The following XIRP2 variants were observed in gnomAD, a reference collection of about 807,000 sequenced individuals.
XIRP2 encodes xin actin-binding repeat-containing protein 2.
XIRP2 carries 236 observed loss-of-function variants against 277.0 expected under a neutral mutation model. The ratio of observed to expected loss-of-function variants is 0.85; its 90% confidence interval spans 0.77 to 0.95. The LOEUF is 0.95. Ranked by LOEUF, XIRP2 falls within the 40% of genes least tolerant of loss-of-function variation. XIRP2 has a pLI of 0.00. For synonymous variants in XIRP2, 1,490 were observed against 1,416.5 expected (o/e 1.05, Z -1.17); for missense variants, 4,640 against 4,157.5 (o/e 1.12, Z -3.19).
At chr2:166,910,664 G>A (rs553747614) in intron 2 of XIRP2, among the ~76,000 whole-genome samples, 1 of 152,188 alleles carries the variant, frequency 6.6e-6, no homozygotes, top group South Asian at 2.1e-4. Flanking sequence ...GCTTTTGAAT[G>A]TGTTTGCCCT....
chr2:167,122,785 A>G (rs7574738), intron 2 of XIRP2, among the ~76,000 whole-genome samples: 6,810 of 152,310 alleles, frequency 0.045, 223 homozygotes, highest in African/African-American at 0.089. Flanking sequence ...CAATAGGTAC[A>G]TCACATTGAA....
chr2:166,958,606 T>G (rs1272688148), intron 2 of XIRP2, among the ~76,000 whole-genome samples: 2 of 151,808 alleles, frequency 1.3e-5, no homozygotes, highest in Non-Finnish European at 2.9e-5. Context: ...TAAAATAAAA[T>G]GCCTGCCTCT....
intron 2 of XIRP2, among the ~76,000 whole-genome samples, chr2:166,963,558 A>T (rs1437387617): frequency 6.6e-6 from 1 of 151,876 alleles, no homozygotes; most frequent in Non-Finnish European, 1.5e-5. Context: ...TATCTAAGAA[A>T]AGATATTTGA....
At chr2:167,033,493 G>A (rs778901978) in intron 2 of XIRP2, among the ~76,000 whole-genome samples, 9 of 152,036 alleles carry the variant, frequency 5.9e-5, no homozygotes, top group Non-Finnish European at 1.3e-4. Context: ...CAAATCTGGA[G>A]AAATATATCA....
At chr2:167,175,556 G>C (rs374179194) in intron 3 of XIRP2, among the ~76,000 whole-genome samples, 15 of 152,124 alleles carry the variant, frequency 9.9e-5, no homozygotes, top group East Asian at 7.7e-4. Flanking sequence ...GAGCTATCCT[G>C]TATGAGGTGT....
chr2:167,086,455 C>T (rs546397947), intron 2 of XIRP2, among the ~76,000 whole-genome samples: 9 of 151,770 alleles, frequency 5.9e-5, no homozygotes, highest in Admixed American at 1.3e-4. Flanking sequence ...ATCTTTGTGG[C>T]GTTCTCTGTA....
intron 2 of XIRP2, among the ~76,000 whole-genome samples, chr2:167,133,843 G>T (rs552579272): frequency 6.6e-6 from 1 of 152,096 alleles, no homozygotes; most frequent in Non-Finnish European, 1.5e-5. Context: ...TGTTATACTC[G>T]TGCCACATGT....
intron 2 of XIRP2, among the ~76,000 whole-genome samples, chr2:167,035,013 C>T (rs1377258054): frequency 6.6e-6 from 1 of 152,172 alleles, no homozygotes; most frequent in African/African-American, 2.4e-5. Flanking sequence ...TTGCTTCTTC[C>T]TCATTCTCTC....
intron 5 of XIRP2, among the ~76,000 whole-genome samples, chr2:167,238,203 C>A (rs1318050348): frequency 6.6e-6 from 1 of 152,156 alleles, no homozygotes; most frequent in Non-Finnish European, 1.5e-5. Flanking sequence ...GTGAACTTTT[C>A]CTTAGCACAA....
intron 3 of XIRP2, among the ~76,000 whole-genome samples, chr2:167,165,221 G>A (rs7556854): frequency 0.23 from 35,186 of 152,046 alleles, 5,672 homozygotes; most frequent in African/African-American, 0.46. Context: ...GTCTGGATAT[G>A]CCACCGCTTT....
chr2:166,935,861 C>G (rs1396631423), intron 2 of XIRP2, among the ~76,000 whole-genome samples: 2 of 152,034 alleles, frequency 1.3e-5, no homozygotes, highest in Non-Finnish European at 2.9e-5. Flanking sequence ...TGAATAGTGC[C>G]GCAATAAACA....
chr2:167,234,658 C>T (rs1407976490), intron 5 of XIRP2, among the ~76,000 whole-genome samples: 1 of 151,780 alleles, frequency 6.6e-6, no homozygotes, highest in Non-Finnish European at 1.5e-5. Context: ...AACTAGCATA[C>T]TCTCATAACT....
chr2:167,259,035 G>A lies in XIRP2; in HGVS notation c.*1218G>A, dbSNP rs777162667. 2 of 1,609,480 alleles carry A rather than the reference G, an allele frequency of 1.2e-6. No individual in the cohort carries two copies. Among genetic ancestry groups the A allele is most frequent in the Non-Finnish European group, 8.5e-7 (1 of 1,177,048 alleles). On this transcript the variant is annotated 3_prime_UTR_variant, in exon 11 of 11. Transcript: ENST00000409195. ...AACATTAAAGGAAGCCATTCAAAGAGCAAAAATTTACACTTTTTCTTTTCT... is the reference window on the plus strand; with the variant it reads ...AACATTAAAGGAAGCCATTCAAAGAACAAAAATTTACACTTTTTCTTTTCT...
intron 2 of XIRP2, among the ~76,000 whole-genome samples, chr2:166,905,830 T>C (rs915107625): frequency 3.3e-5 from 5 of 151,960 alleles, no homozygotes; most frequent in African/African-American, 1.2e-4. Flanking sequence ...AGTGAAGTAT[T>C]TTGTTATATT....
chr2:167,121,991 G>A (rs192613316), intron 2 of XIRP2, among the ~76,000 whole-genome samples: 2 of 152,218 alleles, frequency 1.3e-5, no homozygotes, highest in East Asian at 3.9e-4. Flanking sequence ...TTGCACATGG[G>A]AGAACCTCAG....
intron 2 of XIRP2, among the ~76,000 whole-genome samples, chr2:167,111,318 G>C (rs1024848670): frequency 6.6e-6 from 1 of 152,104 alleles, no homozygotes; most frequent in Non-Finnish European, 1.5e-5. Context: ...GTTTGTCATA[G>C]ATGGCTCTTA....
intron 2 of XIRP2, among the ~76,000 whole-genome samples, chr2:166,965,731 G>A (rs1276344403): frequency 2.6e-5 from 4 of 151,708 alleles, no homozygotes; most frequent in Non-Finnish European, 5.9e-5. Context: ...ACACAAGCAT[G>A]CACCACTATG....
At chr2:167,029,607 C>G (rs1482778755) in intron 2 of XIRP2, among the ~76,000 whole-genome samples, 1 of 152,062 alleles carries the variant, frequency 6.6e-6, no homozygotes, top group Admixed American at 6.6e-5. Flanking sequence ...AATCAGTTTG[C>G]CAGTATTTTA....
intron 2 of XIRP2, among the ~76,000 whole-genome samples, chr2:166,944,727 A>G: frequency 6.6e-6 from 1 of 152,176 alleles, no homozygotes; most frequent in East Asian, 1.9e-4. Flanking sequence ...AACTCATTTT[A>G]TCTTCACAAA....
Sources: allele counts gnomAD v4.1 joint callset (sites outside exome capture counted in the v4.1 genomes callset), GRCh38; gene constraint gnomAD v4.1.1; transcripts MANE v1.5; gene names NCBI Gene and HGNC (gene_info 2026-07-23, HGNC 2026-07-21).